EGFR: variants seen among roughly 807,000 people sequenced by gnomAD.
The protein encoded by EGFR is epidermal growth factor receptor, also known as avian erythroblastic leukemia viral (v-erb-b) oncogene homolog.
A neutral mutation model predicts 143.0 loss-of-function variants in EGFR; 58 were observed. The ratio of observed to expected loss-of-function variants is 0.41; its 90% CI spans 0.33 to 0.50. EGFR has a LOEUF of 0.50. Among genes scored for constraint, EGFR ranks in the 20% least tolerant of loss-of-function variants. The pLI is 0.39. For synonymous variants in EGFR, 613 were observed against 594.4 expected (o/e 1.03, Z -0.45); for missense variants, 1,307 against 1,579.0 (o/e 0.83, Z 2.92).
intron 4 of EGFR, among the ~76,000 whole-genome samples, chr7:55,148,714 C>T (rs535931636): frequency 6.6e-6 from 1 of 152,234 alleles, no homozygotes; most frequent in South Asian, 2.1e-4. Flanking sequence ...AATTCACCAT[C>T]GACCTGATAC....
intron 1 of EGFR, among the ~76,000 whole-genome samples, chr7:55,072,154 C>G (rs573531798): frequency 6.6e-6 from 1 of 150,936 alleles, no homozygotes. Flanking sequence ...TAAATGCACA[C>G]GTTTTATCAA....
chr7:55,088,392 T>G (rs1790894139), intron 1 of EGFR, among the ~76,000 whole-genome samples: 1 of 152,228 alleles, frequency 6.6e-6, no homozygotes, highest in Non-Finnish European at 1.5e-5. Context: ...GTCCAGTACC[T>G]CCATGTTCAT....
intron 1 of EGFR, among the ~76,000 whole-genome samples, chr7:55,087,152 G>A (rs1438369993): frequency 6.6e-6 from 1 of 151,910 alleles, no homozygotes; most frequent in East Asian, 1.9e-4. Context: ...GGGGGGAAGA[G>A]AGGATGGCTC....
At chr7:55,061,036 T>C (rs1789135522) in intron 1 of EGFR, among the ~76,000 whole-genome samples, 4 of 152,310 alleles carry the variant, frequency 2.6e-5, no homozygotes, top group Admixed American at 2.0e-4. Flanking sequence ...CTCATCTGCT[T>C]AAATGAGGTG....
chr7:55,038,697 T>G (rs1353415047), intron 1 of EGFR, among the ~76,000 whole-genome samples: 1 of 152,260 alleles, frequency 6.6e-6, no homozygotes, highest in Admixed American at 6.5e-5. Context: ...ATGTATAGAT[T>G]TCACCATTTT....
chr7:55,134,904 C>T (rs933960855), intron 1 of EGFR, among the ~76,000 whole-genome samples: 5 of 152,132 alleles, frequency 3.3e-5, no homozygotes, highest in Admixed American at 2.6e-4. Context: ...TGAAATTCGC[C>T]GAGCTGGCCC....
chr7:55,057,532 G>A (rs560470457), intron 1 of EGFR, among the ~76,000 whole-genome samples: 24 of 152,332 alleles, frequency 1.6e-4, no homozygotes, highest in Admixed American at 1.2e-3. Context: ...GAGTAACACC[G>A]AGGTTTGAGA....
At chr7:55,155,172 TGGCTCATGCCTTTA>T (rs1785349664) in intron 7 of EGFR, among the ~76,000 whole-genome samples, 1 of 152,242 alleles carries the variant, frequency 6.6e-6, no homozygotes, top group African/African-American at 2.4e-5. Context: ...AGTGGCTCAT[TGGCTCATGCCTTTA>T]ATCCCAGCAC....
chr7:55,116,397 C>T (rs1398826693), intron 1 of EGFR, among the ~76,000 whole-genome samples: 1 of 152,224 alleles, frequency 6.6e-6, no homozygotes, highest in East Asian at 1.9e-4. Context: ...TCCTAAGAGC[C>T]TCACCACAAC....
chr7:55,084,477 C>A lies in EGFR; in HGVS notation c.89-57809C>A, dbSNP rs149548701. ...TCATTTTGTATTAAATCAAAACCAG[C>A]TGATTTGGGATGTTAATTACATCTG... On this transcript the variant is annotated intron_variant, in intron 1 of 27. Transcript: ENST00000275493. 4.1e-4 allele frequency among the ~76,000 whole-genome samples: 63 copies of A among 152,318 alleles called. No homozygotes were observed. The East Asian group carries it at 0.011, about 26-fold the overall frequency.
At chr7:55,089,940 T>C (rs1242190429) in intron 1 of EGFR, among the ~76,000 whole-genome samples, 1 of 1,336 alleles carries the variant, frequency 7.5e-4, no homozygotes, top group Non-Finnish European at 2.6e-3. Context: ...GTGATGCTAC[T>C]TATTTATTTA....
At chr7:55,046,738 C>T (rs1788200547) in intron 1 of EGFR, among the ~76,000 whole-genome samples, 1 of 152,196 alleles carries the variant, frequency 6.6e-6, no homozygotes, top group Non-Finnish European at 1.5e-5. Flanking sequence ...CACAATTGCT[C>T]AAATGTAAAT....
intron 17 of EGFR, 87 bp from the exon 18 acceptor site, chr7:55,173,834 G>A (rs2128953329): frequency 6.2e-7 from 1 of 1,610,324 alleles, no homozygotes; most frequent in Non-Finnish European, 8.5e-7. Context: ...GTGGCTGCTG[G>A]TCCCCCTGCT....
rs1266608146 is a variant in EGFR at position 55,163,817 on chromosome 7, A to G, written c.1716A>G (p.Thr572=). 1.9e-6 allele frequency: 3 copies of G among 1,614,232 alleles called. No homozygotes were observed. The Admixed American group carries it at 5.0e-5, about 27-fold the overall frequency. Residue 572 remains threonine (T), a synonymous_variant, in exon 14 of 28, where the codon ACA becomes ACG. Transcript: ENST00000275493. ...CTCAGGCCATGAACATCACCTGCAC[A>G]GGACGGGTAAGAGCCCCTTGCTGCT... ...CLPQAMNITC[T]GRGPDNCIQC...
chr7:55,051,064 T>C (rs564168001), intron 1 of EGFR, among the ~76,000 whole-genome samples: 1 of 152,282 alleles, frequency 6.6e-6, no homozygotes, highest in East Asian at 1.9e-4. Flanking sequence ...GTCGGCACCA[T>C]GCTAGAACTT....
intron 1 of EGFR, among the ~76,000 whole-genome samples, chr7:55,028,788 T>A (rs1230454691): frequency 1.3e-5 from 2 of 152,176 alleles, no homozygotes; most frequent in Non-Finnish European, 2.9e-5. Flanking sequence ...ATTATCTGTT[T>A]ATAGGTAACA....
chr7:55,140,051 G>C (rs777283659), intron 1 of EGFR, among the ~76,000 whole-genome samples: 5 of 151,338 alleles, frequency 3.3e-5, no homozygotes, highest in Non-Finnish European at 7.4e-5. Context: ...AGGGGCTTTT[G>C]GGGGGTCATT....
intron 24 of EGFR, 75 bp downstream of exon 24, chr7:55,200,488 A>T (rs1203335113): frequency 2.1e-6 from 3 of 1,453,470 alleles, no homozygotes; most frequent in Non-Finnish European, 2.9e-6. Flanking sequence ...GTTCTGTCAC[A>T]TGCCAGCCTG....
chr7:55,187,860 G>A (rs942460275), intron 20 of EGFR, among the ~76,000 whole-genome samples: 9 of 152,308 alleles, frequency 5.9e-5, no homozygotes, highest in African/African-American at 1.9e-4. Flanking sequence ...AAAAGGTTGA[G>A]GGGAGAACAC....
Sources: allele counts gnomAD v4.1 joint callset (sites outside exome capture counted in the v4.1 genomes callset), GRCh38; gene constraint gnomAD v4.1.1; transcripts MANE v1.5; gene names NCBI Gene and HGNC (gene_info 2026-07-23, HGNC 2026-07-21).